The following ATP8A2 variants were observed in gnomAD, a reference collection of about 807,000 sequenced individuals.
ATP8A2 encodes phospholipid-transporting ATPase IB.
ATP8A2 carries 100 observed loss-of-function variants against 165.6 expected under a neutral mutation model. The observed-to-expected ratio is 0.60, with a 90% CI of 0.51 to 0.71. The LOEUF is 0.71. Ranked by LOEUF, ATP8A2 falls within the 30% of genes least tolerant of loss-of-function variation. ATP8A2 has a pLI of 0.00. For synonymous variants in ATP8A2, 543 were observed against 548.8 expected, an observed-to-expected ratio of 0.99 and a Z score of 0.15; for missense variants, 1,227 against 1,479.5, an observed-to-expected ratio of 0.83 and a Z score of 2.80.
At chr13:25,522,322 A>G (rs1015298523) in intron 2 of ATP8A2, among the ~76,000 whole-genome samples, 6 of 151,984 alleles carry the variant, frequency 3.9e-5, no homozygotes, top group African/African-American at 1.4e-4. Flanking sequence ...TTGATTTTGT[A>G]TCCTGCAACT....
chr13:25,861,486 C>T (rs1393949601), intron 32 of ATP8A2, among the ~76,000 whole-genome samples: 1 of 152,170 alleles, frequency 6.6e-6, no homozygotes, highest in Non-Finnish European at 1.5e-5. Flanking sequence ...ATAACTAAAG[C>T]TTCATGTGTG....
At chr13:25,635,507 A>C (rs984834070) in intron 24 of ATP8A2, among the ~76,000 whole-genome samples, 7 of 152,188 alleles carry the variant, frequency 4.6e-5, no homozygotes, top group Non-Finnish European at 7.4e-5. Context: ...CATCTCTGAG[A>C]CATCCTCCTG....
At chr13:25,615,141 A>G (rs2040789607) in intron 24 of ATP8A2, among the ~76,000 whole-genome samples, 1 of 152,104 alleles carries the variant, frequency 6.6e-6, no homozygotes, top group Admixed American at 6.5e-5. Flanking sequence ...GGGTGGGTAG[A>G]GAAAGACCAT....
chr13:25,465,723 CTTTCTTTCTTTCTT>C (rs1566153426), intron 1 of ATP8A2, among the ~76,000 whole-genome samples: 31 of 47,466 alleles, frequency 6.5e-4, no homozygotes, highest in African/African-American at 1.9e-3. Context: ...TTCTTTCTTT[CTTTCTTTCTTTCTT>C]TCCCTCCCTC....
intron 27 of ATP8A2, among the ~76,000 whole-genome samples, chr13:25,801,478 C>G (rs897605646): frequency 6.6e-6 from 1 of 152,122 alleles, no homozygotes; most frequent in Admixed American, 6.6e-5. Context: ...CAACCTGCCT[C>G]CCACATCCCT....
intron 2 of ATP8A2, among the ~76,000 whole-genome samples, chr13:25,522,959 A>G (rs981703946): frequency 2.6e-5 from 4 of 152,000 alleles, no homozygotes; most frequent in African/African-American, 9.7e-5. Context: ...CCCCATCTCT[A>G]CTAAAAATAC....
chr13:25,775,560 A>G (rs1182951030), intron 27 of ATP8A2, among the ~76,000 whole-genome samples: 2 of 152,130 alleles, frequency 1.3e-5, no homozygotes, highest in East Asian at 3.9e-4. Context: ...ACAATTTTCC[A>G]AGATGCTGAT....
chr13:25,607,346 G>T (rs775715191), intron 24 of ATP8A2, among the ~76,000 whole-genome samples: 5 of 152,152 alleles, frequency 3.3e-5, no homozygotes, highest in Non-Finnish European at 5.9e-5. Flanking sequence ...ACACAGCCAT[G>T]CACACTGATG....
chr13:25,772,196 A>G (rs1397450295), intron 26 of ATP8A2, among the ~76,000 whole-genome samples: 1 of 151,980 alleles, frequency 6.6e-6, no homozygotes, highest in Non-Finnish European at 1.5e-5. Flanking sequence ...TTGGCTTTCC[A>G]TTCTCCTCGG....
chr13:25,720,803 C>A (rs375706864), intron 25 of ATP8A2, among the ~76,000 whole-genome samples: 1 of 152,276 alleles, frequency 6.6e-6, no homozygotes, highest in East Asian at 1.9e-4. Context: ...CCCTGTGCTA[C>A]GACAGCCTCT....
rs1257833311 is a variant in ATP8A2 at position 25,576,195 on chromosome 13, A to G, written c.1713-874A>G. Among the ~76,000 whole-genome samples the G allele has an allele frequency of 2.0e-5, 3 of 152,278 alleles. No homozygotes were observed. The South Asian group carries it at 6.2e-4, about 32-fold the overall frequency. On this transcript the variant is annotated intron_variant, in intron 19 of 36. Coordinates refer to ENST00000381655, the MANE Select transcript of ATP8A2 (RefSeq NM_016529.6). ...GTCAGCTAGAGCACTATAGGTTAGG[A>G]TGTGGGAATTTACCCAGAGCTGAAG...
intron 35 of ATP8A2, among the ~76,000 whole-genome samples, chr13:26,002,848 C>CTGTGTGTG (rs199795279): frequency 0.039 from 5,239 of 134,596 alleles, 96 homozygotes; most frequent in East Asian, 0.052. Context: ...TAGTATTCCA[C>CTGTGTGTG]TGTGTGTGTG....
intron 1 of ATP8A2, among the ~76,000 whole-genome samples, chr13:25,396,594 C>G (rs1049391764): frequency 1.3e-5 from 2 of 152,052 alleles, no homozygotes; most frequent in African/African-American, 4.8e-5. Context: ...CCTAATTTGC[C>G]CTTGACCCCG....
At chr13:25,576,288 A>G (rs780317092) in intron 19 of ATP8A2, among the ~76,000 whole-genome samples, 1 of 152,142 alleles carries the variant, frequency 6.6e-6, no homozygotes, top group African/African-American at 2.4e-5. Flanking sequence ...GGCCACAGAG[A>G]TGGGTGGTCT....
intron 33 of ATP8A2, among the ~76,000 whole-genome samples, chr13:25,877,125 A>G (rs1952838843): frequency 6.6e-6 from 1 of 152,186 alleles, no homozygotes; most frequent in African/African-American, 2.4e-5. Flanking sequence ...CATACATGAT[A>G]TGAAAGTAAA....
intron 2 of ATP8A2, among the ~76,000 whole-genome samples, chr13:25,504,812 G>A (rs1488468088): frequency 6.6e-6 from 1 of 150,670 alleles, no homozygotes; most frequent in Non-Finnish European, 1.5e-5. Flanking sequence ...TGATGGGAAA[G>A]GTCACATGTA....
intron 27 of ATP8A2, among the ~76,000 whole-genome samples, chr13:25,827,170 C>T (rs1951342844): frequency 6.6e-6 from 1 of 152,076 alleles, no homozygotes; most frequent in African/African-American, 2.4e-5. Flanking sequence ...AGTGCAGTGG[C>T]ACTATCTTGG....
At chr13:25,851,157 T>A (rs1951997455) in intron 30 of ATP8A2, among the ~76,000 whole-genome samples, 2 of 152,232 alleles carry the variant, frequency 1.3e-5, no homozygotes, top group Admixed American at 6.5e-5. Flanking sequence ...AATGCTGAGT[T>A]ACCTCTCCAA....
Position 25,765,104 on chromosome 13 carries a change from G to A in ATP8A2, c.2385-3942G>A, listed in dbSNP as rs184834815. 1.2e-3 allele frequency among the ~76,000 whole-genome samples: 188 copies of A among 152,282 alleles called. 1 individual carries two copies. The highest frequency in any genetic ancestry group is 4.3e-3 in the African/African-American group (179 of 41,560). ...AGAGAGCTAGTTTTTAAATTTCAGG[G>A]ACATGTGTCCCATAAAATGAGATAC... On this transcript the variant is annotated intron_variant, in intron 25 of 36. Coordinates refer to ENST00000381655, the MANE Select transcript of ATP8A2 (RefSeq NM_016529.6).
Sources: gnomAD v4.1 joint callset for allele counts (sites outside exome capture counted in the v4.1 genomes callset) on GRCh38, gnomAD v4.1.1 for gene constraint, MANE v1.5 for transcripts, NCBI Gene and HGNC (gene_info 2026-07-23, HGNC 2026-07-21) for gene names.